Variants in SAAL1 observed in about 807,000 individuals in gnomAD.
The protein encoded by SAAL1 is protein SAAL1.
SAAL1 carries 42 observed loss-of-function variants against 59.8 expected under a neutral mutation model. The observed-to-expected ratio is 0.70, with a 90% CI of 0.55 to 0.91. The LOEUF is 0.91. SAAL1 is among the 40% of genes least tolerant of loss of function. SAAL1 has a pLI of 0.00. For synonymous variants in SAAL1, 191 were observed against 194.3 expected, an observed-to-expected ratio of 0.98 and a Z score of 0.14; for missense variants, 542 against 561.1, an observed-to-expected ratio of 0.97 and a Z score of 0.34.
Position 18,081,419 on chromosome 11 carries a change from T to C in SAAL1, c.1324A>G (p.Ser442Gly), listed in dbSNP as rs746039231. ...SAFQNLLPFY[S>G]PVVEDFIKIL... Reference sequence around the variant, plus strand: ...CATTTACCCATACTCACCACAGGGCTATAGAAAGGAAGAAGGTTTTGAAAT... The same window carrying C: ...CATTTACCCATACTCACCACAGGGCCATAGAAAGGAAGAAGGTTTTGAAAT... Residue 442 changes from serine (S) to glycine (G), a missense_variant, in exon 11 of 12, where the codon AGC becomes GGC. Ser to Gly is a moderately conservative substitution (Grantham distance 56). Transcript: ENST00000524803. The C allele has an allele frequency of 8.4e-5, 136 of 1,613,258 alleles. No individual in the cohort carries two copies. Among genetic ancestry groups the C allele is most frequent in the Non-Finnish European group, 1.1e-4 (132 of 1,179,310 alleles).
intron 3 of SAAL1, among the ~76,000 whole-genome samples, chr11:18,095,560 T>C (rs1434228244): frequency 6.6e-6 from 1 of 152,232 alleles, no homozygotes; most frequent in East Asian, 1.9e-4. Context: ...GCTCCATTCT[T>C]TCCTAGCTGT....
intron 2 of SAAL1, among the ~76,000 whole-genome samples, chr11:18,099,465 T>C (rs1848611432): frequency 6.6e-6 from 1 of 152,064 alleles, no homozygotes; most frequent in Non-Finnish European, 1.5e-5. Context: ...ACAATAAATA[T>C]AAAACAACTA....
chr11:18,103,429 T>G, intron 1 of SAAL1, 83 bp from the exon 2 acceptor site: 1 of 1,025,312 alleles, frequency 9.8e-7, no homozygotes, highest in African/African-American at 1.6e-5. Flanking sequence ...GGTGATCAAA[T>G]AACATTTCCT....
chr11:18,092,223 A>T, intron 4 of SAAL1, 22 bp downstream of exon 4: 1 of 1,257,480 alleles, frequency 8.0e-7, no homozygotes, highest in Non-Finnish European at 1.1e-6. Flanking sequence ...ATTAAAAAAC[A>T]TAATTATATA....
intron 9 of SAAL1, among the ~76,000 whole-genome samples, chr11:18,085,141 G>A (rs532502021): frequency 6.2e-4 from 94 of 152,198 alleles, no homozygotes; most frequent in African/African-American, 2.2e-3. Context: ...TCAGGAAGAA[G>A]GTAAGGATGT....
intron 10 of SAAL1, 48 bp from the exon 11 acceptor site, chr11:18,081,551 CT>C: frequency 7.2e-7 from 1 of 1,396,914 alleles, no homozygotes. Flanking sequence ...ATTTTTCAAG[CT>C]TTAACTAGTG....
chr11:18,102,202 G>C (rs1848641896), intron 2 of SAAL1, among the ~76,000 whole-genome samples: 1 of 152,144 alleles, frequency 6.6e-6, no homozygotes, highest in South Asian at 2.1e-4. Flanking sequence ...AGCAGTTCAA[G>C]ACCAGCCTCG....
At chr11:18,092,002 T>C (rs1848528347) in intron 4 of SAAL1, among the ~76,000 whole-genome samples, 1 of 152,212 alleles carries the variant, frequency 6.6e-6, no homozygotes, top group Non-Finnish European at 1.5e-5. Flanking sequence ...ATCTGGCTTA[T>C]TGCCACCAGC....
At chr11:18,087,552 A>G (rs1848479807) in intron 7 of SAAL1, among the ~76,000 whole-genome samples, 1 of 152,222 alleles carries the variant, frequency 6.6e-6, no homozygotes, top group South Asian at 2.1e-4. Context: ...GAATAATCAG[A>G]ACAAAAAAAG....
chr11:18,103,226 C>T lies in SAAL1; in HGVS notation c.249+7G>A. 6.3e-7 allele frequency: 1 copy of T among 1,582,744 alleles called. No individual in the cohort carries two copies. Among genetic ancestry groups the T allele is most frequent in the Non-Finnish European group, 8.7e-7 (1 of 1,151,698 alleles). On this transcript the variant is annotated splice_region_variant and intron_variant, in intron 2 of 11. Coordinates refer to ENST00000524803, the MANE Select transcript of SAAL1 (RefSeq NM_138421.3). ...CAGTCTTCAGAGTTTTGTTTCCAGC[C>T]TCATACCTCATCCATTGACATATCC...
intron 2 of SAAL1, among the ~76,000 whole-genome samples, chr11:18,102,429 C>T (rs1848645756): frequency 6.7e-6 from 1 of 149,208 alleles, no homozygotes; most frequent in African/African-American, 2.5e-5. Context: ...GTCAATGATA[C>T]TTCAAAACAA....
Position 18,080,440 on chromosome 11 carries a change from C to T in SAAL1, c.1384G>A (p.Asp462Asn), listed in dbSNP as rs1036796742. 1.9e-6 allele frequency: 3 copies of T among 1,596,130 alleles called. No individual in the cohort carries two copies. Among genetic ancestry groups the T allele is most frequent in the South Asian group, 1.2e-5 (1 of 86,800 alleles). The change falls in exon 12 of 12, where the codon GAC becomes AAC. Residue 462 changes from aspartate to asparagine, a missense_variant. By Grantham distance (23) the Asp-to-Asn change is conservative. Coordinates refer to ENST00000524803, the MANE Select transcript of SAAL1 (RefSeq NM_138421.3). Reference protein sequence around the residue: ...LREVDKALADDLEKNFPSLKV... With the variant: ...LREVDKALADNLEKNFPSLKV... ...AAACTTGGGAAGTTTTTTTCCAAGT[C>T]ATCAGCAAGCGCCTTATCAACTTCA...
chr11:18,083,490 C>G, intron 10 of SAAL1, 45 bp downstream of exon 10: 2 of 1,147,300 alleles, frequency 1.7e-6, no homozygotes, highest in Admixed American at 2.3e-5. Flanking sequence ...GTTAAGCAAC[C>G]CACACTTTCT....
rs373833326 is a variant in SAAL1 at position 18,092,364 on chromosome 11, C to T, written c.334-40G>A. The T allele has an allele frequency of 3.6e-5, 46 of 1,264,730 alleles. 1 individual carries two copies. The South Asian group carries it at 4.9e-4, about 13-fold the overall frequency. The allele number at this position is 1,264,730 out of a possible 1,614,324, so 78.3% of individuals were successfully genotyped here. A position where few individuals can be genotyped will look rare whatever the true frequency, so the allele number is the denominator to read the frequency against. ...TTTACAAGTCACAATGGCTCTGAGA[C>T]GAAAGACGTAAACAAAAATATCAAC... On this transcript the variant is annotated intron_variant, in intron 3 of 11. Transcript: ENST00000524803.
chr11:18,084,964 C>T (rs1848447903), intron 9 of SAAL1, among the ~76,000 whole-genome samples: 1 of 152,162 alleles, frequency 6.6e-6, no homozygotes, highest in African/African-American at 2.4e-5. Context: ...CAGGGTTTCA[C>T]CATGTTAGCC....
At chr11:18,082,972 T>A (rs1848426085) in intron 10 of SAAL1, among the ~76,000 whole-genome samples, 1 of 152,220 alleles carries the variant, frequency 6.6e-6, no homozygotes, top group Admixed American at 6.5e-5. Flanking sequence ...TATGAATAAA[T>A]ATATTCTTCA....
Position 18,086,886 on chromosome 11 carries a change from T to C in SAAL1, c.1022A>G (p.Glu341Gly), listed in dbSNP as rs758017855. 14 of 1,611,064 alleles carry C rather than the reference T, an allele frequency of 8.7e-6. No homozygotes were observed. The Middle Eastern group carries it at 4.9e-4, about 57-fold the overall frequency. The change falls in exon 9 of 12, where the codon GAG becomes GGG. Residue 341 changes from glutamate (E) to glycine (G), a missense_variant. Transcript: ENST00000524803. The stretch of plus-strand genomic sequence containing the variant: ...CTTGCCTTTTTCTATCTTTAGATAC[T>C]CTTGCTCAGTCTGTGAGGCATAGAT... ...SAIYASQTEQ[E>G]YLKIEKVDLP...
At chr11:18,090,101 G>T in intron 6 of SAAL1, 74 bp downstream of exon 6, 2 of 1,352,318 alleles carry the variant, frequency 1.5e-6, no homozygotes, top group South Asian at 1.4e-5. Flanking sequence ...GTGACTTCTA[G>T]AAATAGTTAC....
At chr11:18,103,802 C>T (rs553928720) in intron 1 of SAAL1, among the ~76,000 whole-genome samples, 56 of 152,242 alleles carry the variant, frequency 3.7e-4, no homozygotes, top group African/African-American at 9.9e-4. Context: ...CATAGAGATG[C>T]GTGACAATAA....
Sources: allele counts gnomAD v4.1 joint callset (sites outside exome capture counted in the v4.1 genomes callset), GRCh38; gene constraint gnomAD v4.1.1; transcripts MANE v1.5; gene names NCBI Gene and HGNC (gene_info 2026-07-23, HGNC 2026-07-21).